The following ATXN2 variants were observed in gnomAD, a reference collection of about 807,000 sequenced individuals.
The protein encoded by ATXN2 is ataxin 2, also known as ataxin-2.
ATXN2 carries 37 observed loss-of-function variants against 138.6 expected under a neutral mutation model. That is an observed-to-expected ratio of 0.27 (90% confidence interval 0.21 to 0.35). The LOEUF (loss-of-function observed/expected upper bound fraction) is 0.35. Among genes scored for constraint, ATXN2 ranks in the 10% least tolerant of loss-of-function variants. The probability of loss-of-function intolerance (pLI) is 1.00; values close to 1 mark genes in which losing one functional copy is unlikely to be tolerated. For synonymous variants in ATXN2, 549 were observed against 543.7 expected (o/e 1.01, Z -0.13); for missense variants, 1,216 against 1,480.3 (o/e 0.82, Z 2.93).
At chr12:111,529,468 T>C (rs371599745) in intron 5 of ATXN2, among the ~76,000 whole-genome samples, 1 of 152,340 alleles carries the variant, frequency 6.6e-6, no homozygotes, top group African/African-American at 2.4e-5. Flanking sequence ...TAAAAGCCTC[T>C]AGACTAGCAG....
intron 6 of ATXN2, among the ~76,000 whole-genome samples, chr12:111,523,339 T>C (rs1374261970): frequency 6.6e-6 from 1 of 152,188 alleles, no homozygotes; most frequent in Non-Finnish European, 1.5e-5. Flanking sequence ...TTTTGGGAGA[T>C]ATGTAGTGTT....
chr12:111,533,744 C>T (rs1318640588), intron 5 of ATXN2, among the ~76,000 whole-genome samples: 3 of 152,134 alleles, frequency 2.0e-5, no homozygotes, highest in African/African-American at 7.2e-5. Flanking sequence ...CCAGGCTGGT[C>T]TTGAACTCCT....
At chr12:111,502,278 C>G (rs1431233178) in intron 14 of ATXN2, among the ~76,000 whole-genome samples, 1 of 152,176 alleles carries the variant, frequency 6.6e-6, no homozygotes, top group Non-Finnish European at 1.5e-5. Flanking sequence ...TGCCATCTTA[C>G]AAATAGCAAG....
chr12:111,481,123 A>AAC (rs1877197096), intron 18 of ATXN2, among the ~76,000 whole-genome samples: 1 of 152,106 alleles, frequency 6.6e-6, no homozygotes, highest in South Asian at 2.1e-4. Context: ...CAGCCTGGCC[A>AAC]ACATGGTGAA....
chr12:111,570,309 G>C (rs1482013225), intron 1 of ATXN2, among the ~76,000 whole-genome samples: 1 of 152,158 alleles, frequency 6.6e-6, no homozygotes, highest in Admixed American at 6.5e-5. Flanking sequence ...TGGAGGAGAG[G>C]GGAGTATAGC....
At chr12:111,553,288 G>T (rs938400729) in intron 3 of ATXN2, among the ~76,000 whole-genome samples, 2 of 152,076 alleles carry the variant, frequency 1.3e-5, no homozygotes, top group African/African-American at 4.8e-5. Context: ...ACACAGCAGG[G>T]TTAACAAGAA....
At chr12:111,582,871 T>A (rs1432171532) in intron 1 of ATXN2, among the ~76,000 whole-genome samples, 1 of 152,000 alleles carries the variant, frequency 6.6e-6, no homozygotes, top group African/African-American at 2.4e-5. Context: ...GGTTTCCCCA[T>A]GTTAGGCAGG....
intron 1 of ATXN2, among the ~76,000 whole-genome samples, chr12:111,588,850 C>T (rs967894225): frequency 3.3e-5 from 5 of 150,856 alleles, no homozygotes; most frequent in Non-Finnish European, 7.4e-5. Context: ...AAAAAATTAG[C>T]CGGGCATGGT....
chr12:111,486,044 A>G (rs531925127), intron 16 of ATXN2, among the ~76,000 whole-genome samples, 179 bp from the exon 17 acceptor site: 1 of 152,396 alleles, frequency 6.6e-6, no homozygotes, highest in East Asian at 1.9e-4. Context: ...ATGTTTCAGT[A>G]GGAACTTAAA....
intron 14 of ATXN2, among the ~76,000 whole-genome samples, chr12:111,497,096 C>T (rs1377859494): frequency 6.6e-6 from 1 of 152,042 alleles, no homozygotes; most frequent in Non-Finnish European, 1.5e-5. Flanking sequence ...TATGCTGATA[C>T]ATTGGAAAAC....
intron 11 of ATXN2, chr12:111,512,233 G>A (rs1486526046): frequency 6.6e-6 from 1 of 152,308 alleles, no homozygotes; most frequent in Non-Finnish European, 1.5e-5. Context: ...TTACAGGCAT[G>A]AGCCACAGCA....
chr12:111,453,699 G>A lies in ATXN2; in HGVS notation c.3417C>T (p.Phe1139=), dbSNP rs1179315391. The change falls in exon 24 of 25, where the codon TTC becomes TTT. Residue 1139 remains phenylalanine (F), a synonymous_variant. Coordinates refer to ENST00000673436, the MANE Select transcript of ATXN2 (RefSeq NM_001372574.1). The surrounding 1 kb of genome is among the most constrained non-coding windows in gnomAD (Gnocchi z 5.4). ...QPIPVSTTAH[F]PYMTHPSVQA... ...CACCTGAAGGGTGCGTCATATAGGG[G>A]AAATGCGCTGTTGTCGAGACTGGAA... The A allele has an allele frequency of 1.2e-6, 2 of 1,611,490 alleles. No homozygotes were observed. The highest frequency in any genetic ancestry group is 2.2e-5 in the South Asian group (2 of 90,618).
At chr12:111,588,043 C>A (rs1457808700) in intron 1 of ATXN2, among the ~76,000 whole-genome samples, 2 of 151,850 alleles carry the variant, frequency 1.3e-5, no homozygotes, top group Non-Finnish European at 2.9e-5. Context: ...AAAAACTAGG[C>A]AGGCACTGTG....
rs1348983525 is a variant in ATXN2, at chr12:111,487,642, T to C, written c.2241-818A>G. On this transcript the variant is annotated intron_variant, in intron 15 of 24. Transcript: ENST00000673436. ...GCCTGGCTAATTTTTGTATTTTTAGTACAGACAGGGTTTCACATGTTGGCC... is the reference window on the plus strand; with the variant it reads ...GCCTGGCTAATTTTTGTATTTTTAGCACAGACAGGGTTTCACATGTTGGCC... Among the ~76,000 whole-genome samples the C allele has an allele frequency of 5.9e-5, 9 of 151,934 alleles. No homozygotes were observed. In the South Asian group the frequency reaches 8.3e-4, roughly 14 times the overall value.
chr12:111,516,325 G>T lies in ATXN2; in HGVS notation c.1204C>A (p.Arg402Ser). ...CCTGACTGGTAGCGAGAAGGTGGGCGAGAGGAAGGAGATGGGCAAGGCGAT... is the reference window on the plus strand; with the variant it reads ...CCTGACTGGTAGCGAGAAGGTGGGCTAGAGGAAGGAGATGGGCAAGGCGAT... The part of the protein sequence containing the change: ...WPSPCPSPSS[R>S]PPSRYQSGPN... The change falls in exon 10 of 25, where the codon CGC becomes AGC. Residue 402 changes from arginine (R) to serine (S), a missense_variant. Arg to Ser is a moderately radical substitution (Grantham distance 110, BLOSUM62 -1). Coordinates refer to ENST00000673436, the MANE Select transcript of ATXN2 (RefSeq NM_001372574.1). This position sits in a 1 kb window ranked among gnomAD's most constrained non-coding sequence, Gnocchi z 5.0. 6.3e-7 allele frequency: 1 copy of T among 1,583,558 alleles called. No individual in the cohort carries two copies. The highest frequency in any genetic ancestry group is 8.6e-7 in the Non-Finnish European group (1 of 1,168,494).
At chr12:111,496,256 GCACGGTGGCT>G (rs1566024680) in intron 14 of ATXN2, among the ~76,000 whole-genome samples, 1 of 152,092 alleles carries the variant, frequency 6.6e-6, no homozygotes, top group Non-Finnish European at 1.5e-5. Flanking sequence ...TAGAGGCCGG[GCACGGTGGCT>G]CATGCCTGTA....
intron 23 of ATXN2, chr12:111,454,743 A>G (rs1874934508): frequency 5.5e-6 from 2 of 362,698 alleles, no homozygotes; most frequent in Admixed American, 3.8e-5. Context: ...GCACATGGCA[A>G]ATTTGAGCTT....
intron 21 of ATXN2, among the ~76,000 whole-genome samples, chr12:111,460,927 A>G (rs1875530409): frequency 6.6e-6 from 1 of 152,222 alleles, no homozygotes; most frequent in African/African-American, 2.4e-5. Flanking sequence ...GAGTGAATGT[A>G]CATAGGCTTT....
At chr12:111,564,621 A>G (rs1882890594) in intron 1 of ATXN2, among the ~76,000 whole-genome samples, 1 of 150,344 alleles carries the variant, frequency 6.7e-6, no homozygotes, top group African/African-American at 2.4e-5. Flanking sequence ...CAACAGCAAT[A>G]CAACAATTAA....
Sources: allele counts gnomAD v4.1 joint callset (sites outside exome capture counted in the v4.1 genomes callset), GRCh38; gene constraint gnomAD v4.1.1; non-coding constraint Gnocchi (gnomAD v3.1); transcripts MANE v1.5; gene names NCBI Gene and HGNC (gene_info 2026-07-23, HGNC 2026-07-21).